The following PTGER3 variants were observed in gnomAD, a reference collection of about 807,000 sequenced individuals.
PTGER3 encodes prostaglandin E2 receptor EP3 subtype.
PTGER3 carries 22 observed loss-of-function variants against 34.7 expected under a neutral mutation model. The ratio of observed to expected loss-of-function variants is 0.63; its 90% CI spans 0.45 to 0.91. The LOEUF (loss-of-function observed/expected upper bound fraction) is 0.91. Among genes scored for constraint, PTGER3 ranks in the 40% least tolerant of loss-of-function variants. The pLI is 0.00. For missense variants in PTGER3, 468 were observed against 519.4 expected (o/e 0.90, Z 0.96); for synonymous variants, 241 against 230.1 (o/e 1.05, Z -0.43).
intron 2 of PTGER3, among the ~76,000 whole-genome samples, chr1:71,002,729 G>A (rs1335105034): frequency 6.6e-6 from 1 of 152,164 alleles, no homozygotes; most frequent in Non-Finnish European, 1.5e-5. Context: ...AATATTTCAA[G>A]TAAAAACCCG....
intron 4 of PTGER3, among the ~76,000 whole-genome samples, chr1:70,921,650 A>AAAAT (rs1553163503): frequency 9.2e-5 from 14 of 151,860 alleles, no homozygotes; most frequent in African/African-American, 3.1e-4. Flanking sequence ...TCCCTAAAAA[A>AAAAT]AAATAAATAA....
chr1:70,929,343 GC>G (rs1426658486), intron 4 of PTGER3, among the ~76,000 whole-genome samples: 9 of 152,172 alleles, frequency 5.9e-5, no homozygotes, highest in African/African-American at 1.9e-4. Context: ...CTTGTGGCTA[GC>G]TTTTGCAGTT....
intron 4 of PTGER3, among the ~76,000 whole-genome samples, chr1:70,859,506 A>G (rs1354031684): frequency 1.3e-5 from 2 of 152,196 alleles, no homozygotes; most frequent in Non-Finnish European, 2.9e-5. Context: ...AAGATTTACA[A>G]TTTTAGTTGG....
chr1:70,971,601 T>C lies in PTGER3; in HGVS notation c.*129A>G. The stretch of plus-strand genomic sequence containing the variant: ...ATGGGTATTACTGACAAAACAATCA[T>C]TAAAATAAAAAGATAAAAATGAAGA... On this transcript the variant is annotated 3_prime_UTR_variant, in exon 4 of 4. Coordinates refer to ENST00000306666, the MANE Select transcript of PTGER3 (RefSeq NM_198719.2). The C allele has an allele frequency of 1.3e-5, 18 of 1,364,676 alleles. 1 individual carries two copies. In the South Asian group the frequency reaches 3.8e-4, roughly 29 times the overall value. The allele number at this position is 1,364,676 out of a possible 1,614,324, so 84.5% of individuals were successfully genotyped here.
intron 2 of PTGER3, chr1:71,009,571 T>C: frequency 1.0e-6 from 1 of 985,086 alleles, no homozygotes; most frequent in Non-Finnish European, 1.2e-6. Flanking sequence ...TGACTCAGCA[T>C]AGTATATAAA....
intron 4 of PTGER3, among the ~76,000 whole-genome samples, chr1:70,931,903 C>T (rs539057714): frequency 6.6e-6 from 1 of 152,286 alleles, no homozygotes; most frequent in East Asian, 1.9e-4. Flanking sequence ...TTTCTGCAGC[C>T]AGCTTGAGTT....
At chr1:70,974,225 G>T (rs945325705) in intron 3 of PTGER3, 72 bp downstream of exon 3, 1 of 1,572,070 alleles carries the variant, frequency 6.4e-7, no homozygotes, top group African/African-American at 1.4e-5. Context: ...TGCCTTTGTA[G>T]CATCAACTCC....
intron 4 of PTGER3, among the ~76,000 whole-genome samples, chr1:70,870,274 T>G (rs1164080243): frequency 6.6e-6 from 1 of 152,222 alleles, no homozygotes; most frequent in East Asian, 1.9e-4. Context: ...AGCATTGTCC[T>G]GAGGTTGTGC....
intron 2 of PTGER3, chr1:71,010,254 C>T (rs1472123010): frequency 8.1e-6 from 8 of 983,732 alleles, no homozygotes; most frequent in Middle Eastern, 5.2e-4. Flanking sequence ...CTGTGTTGTA[C>T]AGCAGTATGA....
intron 1 of PTGER3, among the ~76,000 whole-genome samples, chr1:71,039,760 A>G (rs1660144532): frequency 6.6e-6 from 1 of 151,946 alleles, no homozygotes; most frequent in African/African-American, 2.4e-5. Context: ...TTTTTCCCCA[A>G]TGAACTATAA....
chr1:71,025,172 CCTTTT>C (rs376022029), intron 1 of PTGER3, among the ~76,000 whole-genome samples: 1 of 142,452 alleles, frequency 7.0e-6, no homozygotes, highest in Admixed American at 7.2e-5. Context: ...TTCTTTCCTT[CCTTTT>C]TTTCCTTCCT....
Position 70,974,277 on chromosome 1 carries a change from C to G in PTGER3, c.1169+20G>C, listed in dbSNP as rs377554719. 1.2e-5 allele frequency: 19 copies of G among 1,612,124 alleles called. No homozygotes were observed. The highest frequency in any genetic ancestry group is 3.3e-5 in the Admixed American group (2 of 59,860). ...CGGGGGAAGGCTATGCTATAAATCCCGGCAGTTTCTAAATCTCACCTTTCC... is the reference window on the plus strand; with the variant it reads ...CGGGGGAAGGCTATGCTATAAATCCGGGCAGTTTCTAAATCTCACCTTTCC... On this transcript the variant is annotated intron_variant, in intron 3 of 3. Transcript: ENST00000306666.
intron 4 of PTGER3, among the ~76,000 whole-genome samples, chr1:70,901,356 T>G (rs1051921868): frequency 2.0e-5 from 3 of 152,168 alleles, no homozygotes; most frequent in African/African-American, 7.2e-5. Context: ...AATATGTTGG[T>G]TTCAACCAAG....
intron 2 of PTGER3, among the ~76,000 whole-genome samples, chr1:70,984,505 A>G (rs577539715): frequency 6.6e-5 from 10 of 152,230 alleles, no homozygotes; most frequent in Non-Finnish European, 1.2e-4. Context: ...ACTTGAGGCC[A>G]GGAATTTGAG....
At chr1:71,041,540 T>A (rs1660313811) in intron 1 of PTGER3, among the ~76,000 whole-genome samples, 2 of 152,122 alleles carry the variant, frequency 1.3e-5, no homozygotes, top group South Asian at 2.1e-4. Context: ...GGGGACAAGA[T>A]ATAAGAGGAA....
rs1048534353 is a variant in PTGER3, at chr1:70,920,435, T to C, written c.*23+33328A>G. On this transcript the variant is annotated intron_variant, in intron 4 of 4. Coordinates refer to the PTGER3 transcript ENST00000370931. ...CTACTGCGATTGAGCAGGGTTCCAATATAATTTTGACAAGGTTTCACTTTT... is the reference window on the plus strand; with the variant it reads ...CTACTGCGATTGAGCAGGGTTCCAACATAATTTTGACAAGGTTTCACTTTT... 2.6e-5 allele frequency among the ~76,000 whole-genome samples: 4 copies of C among 152,320 alleles called. No homozygotes were observed. The East Asian group carries it at 5.8e-4, about 22-fold the overall frequency.
At chr1:70,865,752 A>G in intron 4 of PTGER3, 2 of 1,367,124 alleles carry the variant, frequency 1.5e-6, no homozygotes, top group African/African-American at 1.5e-5. Context: ...ATGGCGGGAA[A>G]GGACAAATCC....
chr1:70,939,105 C>T (rs1258828534), intron 4 of PTGER3, among the ~76,000 whole-genome samples: 1 of 152,172 alleles, frequency 6.6e-6, no homozygotes, highest in Non-Finnish European at 1.5e-5. Context: ...ATAAATACAG[C>T]CATTCCAAAT....
At chr1:71,033,481 A>T (rs1465671517) in intron 1 of PTGER3, among the ~76,000 whole-genome samples, 1 of 152,104 alleles carries the variant, frequency 6.6e-6, no homozygotes, top group East Asian at 1.9e-4. Context: ...CAATCACTAG[A>T]CTTCTAGTTT....
Sources: gnomAD v4.1 joint callset for allele counts (sites outside exome capture counted in the v4.1 genomes callset) on GRCh38, gnomAD v4.1.1 for gene constraint, MANE v1.5 for transcripts, NCBI Gene and HGNC (gene_info 2026-07-23, HGNC 2026-07-21) for gene names.